The following PCDHA9 variants were observed in gnomAD, a reference collection of about 807,000 sequenced individuals.
The protein encoded by PCDHA9 is protocadherin alpha 9, also known as protocadherin alpha-9.
A neutral mutation model predicts 62.0 loss-of-function variants in PCDHA9; 62 were observed. The observed-to-expected ratio is 1.00, with a 90% CI of 0.81 to 1.23. The LOEUF (loss-of-function observed/expected upper bound fraction) is 1.23, where lower values mean the gene tolerates loss of function less well. PCDHA9 is among the 50% of genes most tolerant of loss of function. The pLI, the probability that PCDHA9 is intolerant of heterozygous loss-of-function variation, is 0.00. For synonymous variants in PCDHA9, 557 were observed against 567.6 expected, an observed-to-expected ratio of 0.98 and a Z score of 0.27; for missense variants, 1,205 against 1,249.8, an observed-to-expected ratio of 0.96 and a Z score of 0.54.
chr5:140,921,581 T>C (rs1199851100), intron 1 of PCDHA9, among the ~76,000 whole-genome samples: 1 of 152,210 alleles, frequency 6.6e-6, no homozygotes, highest in Non-Finnish European at 1.5e-5. Flanking sequence ...GAGCTCATAC[T>C]ATATTATGGT....
chr5:140,995,286 C>T (rs571122259), intron 3 of PCDHA9, among the ~76,000 whole-genome samples: 18 of 152,182 alleles, frequency 1.2e-4, no homozygotes, highest in African/African-American at 3.4e-4. Context: ...CCAAAACAGC[C>T]AGTCGGATAC....
chr5:140,887,335 A>G (rs1360547523), intron 1 of PCDHA9, among the ~76,000 whole-genome samples: 1 of 152,102 alleles, frequency 6.6e-6, no homozygotes, highest in African/African-American at 2.4e-5. Flanking sequence ...TGACCTCGTG[A>G]TCCACCTGGC....
chr5:140,906,303 A>G (rs1195275228), intron 1 of PCDHA9, among the ~76,000 whole-genome samples: 5 of 152,220 alleles, frequency 3.3e-5, no homozygotes, highest in Non-Finnish European at 7.3e-5. Flanking sequence ...ATAAGGTCAT[A>G]ATTATTCCCA....
chr5:140,852,117 T>C, intron 1 of PCDHA9: 1 of 906,144 alleles, frequency 1.1e-6, no homozygotes, highest in Non-Finnish European at 1.3e-6. Context: ...AGGTATGACC[T>C]AATTAAAAAC....
intron 1 of PCDHA9, chr5:140,929,431 C>T (rs155360): frequency 0.52 from 779,088 of 1,485,262 alleles, 207,160 homozygotes; most frequent in African/African-American, 0.75. Context: ...ATCAATTGAA[C>T]TAAACACTCC....
intron 1 of PCDHA9, chr5:140,875,760 C>A (rs781811926): frequency 1.2e-6 from 2 of 1,614,200 alleles, no homozygotes; most frequent in Non-Finnish European, 1.7e-6. Flanking sequence ...AGAAGCTGTG[C>A]GGGCGGAGCG....
intron 3 of PCDHA9, among the ~76,000 whole-genome samples, chr5:140,991,295 A>G (rs1215731555): frequency 6.6e-6 from 1 of 152,202 alleles, no homozygotes; most frequent in African/African-American, 2.4e-5. Context: ...TTAACACATT[A>G]CTATTATCTT....
At chr5:140,864,428 A>G (rs1459039146) in intron 1 of PCDHA9, 2 of 152,138 alleles carry the variant, frequency 1.3e-5, no homozygotes, top group Non-Finnish European at 2.9e-5. Context: ...TCGTCCACAA[A>G]CAATTTTGTT....
At position 140,870,603 on chromosome 5, in the gene PCDHA9, C is replaced by T. The variant is rs782250124; in HGVS notation, c.2394+19714C>T. ...CGCTGGTGGAGCGGCGGTTGGGCGACCGCGCGCTGTCGAGCTACGTGTCGG... is the reference window on the plus strand; with the variant it reads ...CGCTGGTGGAGCGGCGGTTGGGCGATCGCGCGCTGTCGAGCTACGTGTCGG... On this transcript the variant is annotated intron_variant, in intron 1 of 3. Coordinates refer to ENST00000532602, the MANE Select transcript of PCDHA9 (RefSeq NM_031857.2). The T allele has an allele frequency of 4.3e-6, 7 of 1,613,340 alleles. No homozygotes were observed. The Admixed American group carries it at 1.2e-4, about 27-fold the overall frequency.
At position 141,009,773 on chromosome 5, in the gene PCDHA9, A is replaced by C. The variant is rs782087059; in HGVS notation, c.2689A>C (p.Ile897Leu). ...KFIIPGSPAI[I>L]SIRQEPTNSQ... is the part of the protein sequence containing the mutation. ...CATTATCCCAGGATCTCCTGCAATC[A>C]TCTCCATCCGGCAGGAGCCTACTAA... Residue 897 changes from isoleucine to leucine, a missense_variant, in exon 4 of 4, where the codon ATC becomes CTC. Physicochemically the swap from Ile to Leu is conservative, Grantham distance 5. Around this residue, in one of 3 missense-constraint regions of PCDHA9, gnomAD observed 887 missense variants for 809.5 expected, o/e 1.10. Transcript: ENST00000532602. 1 of 1,614,128 alleles carries C rather than the reference A, an allele frequency of 6.2e-7. No individual in the cohort carries two copies. Among genetic ancestry groups the C allele is most frequent in the East Asian group, 2.2e-5 (1 of 44,878 alleles).
intron 1 of PCDHA9, chr5:140,856,310 C>A: frequency 1.3e-6 from 2 of 1,598,548 alleles, no homozygotes; most frequent in Non-Finnish European, 1.7e-6. Context: ...TGTGAATTCT[C>A]GGATTGACCG....
chr5:140,937,795 C>T (rs1472022589), intron 1 of PCDHA9, among the ~76,000 whole-genome samples: 1 of 151,670 alleles, frequency 6.6e-6, no homozygotes, highest in Non-Finnish European at 1.5e-5. Context: ...GTATGTAGTC[C>T]CAGCTACTCG....
intron 1 of PCDHA9, chr5:140,857,535 G>A (rs1413308998): frequency 1.9e-6 from 3 of 1,597,418 alleles, no homozygotes; most frequent in Non-Finnish European, 2.6e-6. Flanking sequence ...CTGGTGGAGC[G>A]GCGGTTGGGC....
intron 1 of PCDHA9, chr5:140,877,051 G>C (rs1554169275): frequency 1.2e-6 from 2 of 1,612,752 alleles, no homozygotes; most frequent in Non-Finnish European, 1.7e-6. Context: ...AGACCACGAG[G>C]AGCTGGAGCT....
chr5:141,007,755 CTT>C (rs2098344346), intron 3 of PCDHA9, among the ~76,000 whole-genome samples: 1 of 152,170 alleles, frequency 6.6e-6, no homozygotes, highest in Non-Finnish European at 1.5e-5. Context: ...ACTTTGGACT[CTT>C]ATTGGCCTGG....
At chr5:140,870,992 T>C (rs782714479) in intron 1 of PCDHA9, 1 of 1,613,478 alleles carries the variant, frequency 6.2e-7, no homozygotes, top group South Asian at 1.1e-5. Context: ...ACGGGCGAGA[T>C]AAGCACAACG....
intron 1 of PCDHA9, chr5:140,927,773 A>C (rs143568645): frequency 6.2e-7 from 1 of 1,614,078 alleles, no homozygotes; most frequent in Non-Finnish European, 8.5e-7. Flanking sequence ...GGGGAGGTGC[A>C]AGTAGCTGCT....
chr5:140,869,499 G>A, intron 1 of PCDHA9: 8 of 1,614,196 alleles, frequency 5.0e-6, no homozygotes, highest in Non-Finnish European at 5.9e-6. Context: ...ACCCGCCGGT[G>A]TTCTCGCTCA....
intron 3 of PCDHA9, among the ~76,000 whole-genome samples, chr5:140,990,256 A>G (rs2153888367): frequency 6.6e-6 from 1 of 152,332 alleles, no homozygotes; most frequent in Middle Eastern, 3.4e-3. Flanking sequence ...TCTGCTGGAT[A>G]CCAAACAATG....
Sources: allele counts gnomAD v4.1 joint callset (sites outside exome capture counted in the v4.1 genomes callset), GRCh38; gene constraint gnomAD v4.1.1; regional missense constraint gnomAD v4.1.1; transcripts MANE v1.5; gene names NCBI Gene and HGNC (gene_info 2026-07-23, HGNC 2026-07-21).